Variants in WWOX observed in about 807,000 individuals in gnomAD.
WWOX encodes the protein WW domain-containing oxidoreductase.
Under a neutral mutation model 46.2 loss-of-function variants are expected in WWOX, and 69 were observed. The observed-to-expected ratio is 1.49, with a 90% CI of 1.23 to 1.82. The LOEUF is 1.82. WWOX is among the 40% of genes most tolerant of loss of function. The pLI is 0.00. For missense variants in WWOX, 919 were observed against 542.6 expected, an observed-to-expected ratio of 1.69 and a Z score of -6.89; for synonymous variants, 359 against 202.6, an observed-to-expected ratio of 1.77 and a Z score of -6.56.
At chr16:78,955,109 T>G (rs1466584872) in intron 8 of WWOX, among the ~76,000 whole-genome samples, 2 of 152,128 alleles carry the variant, frequency 1.3e-5, no homozygotes, top group Non-Finnish European at 2.9e-5. Context: ...AAAGTGACAG[T>G]TGAAGACTAT....
intron 8 of WWOX, among the ~76,000 whole-genome samples, chr16:78,972,401 A>G (rs570755356): frequency 1.1e-4 from 16 of 151,924 alleles, no homozygotes; most frequent in East Asian, 1.9e-4. Flanking sequence ...GACATTATTT[A>G]TATCTATAAT....
intron 8 of WWOX, among the ~76,000 whole-genome samples, chr16:79,169,770 T>C (rs1448721372): frequency 6.6e-6 from 1 of 152,176 alleles, no homozygotes; most frequent in Non-Finnish European, 1.5e-5. Context: ...CCTCCTTTTG[T>C]CACTCTAGGG....
At chr16:78,553,963 G>T (rs1409140372) in intron 8 of WWOX, among the ~76,000 whole-genome samples, 2 of 152,022 alleles carry the variant, frequency 1.3e-5, no homozygotes, top group African/African-American at 2.4e-5. Flanking sequence ...ACAGCAGAGG[G>T]CTGTGATGCT....
intron 8 of WWOX, among the ~76,000 whole-genome samples, chr16:79,054,611 C>G (rs904277862): frequency 2.6e-5 from 4 of 152,078 alleles, no homozygotes; most frequent in Admixed American, 2.6e-4. Flanking sequence ...CCCTTGAGTC[C>G]AGGAGTTCAG....
intron 8 of WWOX, among the ~76,000 whole-genome samples, chr16:78,644,974 T>G (rs952039271): frequency 2.6e-5 from 4 of 152,164 alleles, no homozygotes; most frequent in African/African-American, 9.6e-5. Flanking sequence ...AACGGTGAGT[T>G]TTGGTTCTAC....
intron 8 of WWOX, among the ~76,000 whole-genome samples, chr16:78,573,368 CTGTTT>C (rs2044767076): frequency 6.6e-6 from 1 of 152,170 alleles, no homozygotes; most frequent in African/African-American, 2.4e-5. Context: ...AGATACTTGG[CTGTTT>C]TGTTTTTTCT....
Position 78,413,018 on chromosome 16 carries a change from C to T in WWOX, c.606-11852C>T, listed in dbSNP as rs117202754. Among the ~76,000 whole-genome samples, 226 of 152,204 alleles carry T rather than the reference C, an allele frequency of 1.5e-3. 3 individuals are homozygous for T. The East Asian group carries it at 0.031, about 21-fold the overall frequency. The stretch of plus-strand genomic sequence containing the variant: ...TCAGAAAGATCTGATTGAGCTGACG[C>T]GTAGCAAGAATGAGCCAGTGGAGAG... On this transcript the variant is annotated intron_variant, in intron 6 of 8. Coordinates refer to ENST00000566780, the MANE Select transcript of WWOX (RefSeq NM_016373.4).
intron 8 of WWOX, among the ~76,000 whole-genome samples, chr16:78,776,851 G>T (rs1021892126): frequency 6.6e-6 from 1 of 152,044 alleles, no homozygotes; most frequent in Non-Finnish European, 1.5e-5. Context: ...GTAAGAACTC[G>T]CTATGTCAAG....
chr16:78,825,669 A>G (rs1597677292), intron 8 of WWOX: 8 of 528,154 alleles, frequency 1.5e-5, no homozygotes, highest in East Asian at 4.4e-5. Flanking sequence ...TAGGGGGGCC[A>G]TAGGCTGCCA....
intron 5 of WWOX, among the ~76,000 whole-genome samples, chr16:78,317,223 G>C (rs1017390656): frequency 1.3e-5 from 2 of 152,152 alleles, no homozygotes; most frequent in Non-Finnish European, 2.9e-5. Context: ...GTGAGGAATG[G>C]GGTGAACAAC....
chr16:78,507,820 C>T (rs142883749), intron 8 of WWOX, among the ~76,000 whole-genome samples: 398 of 152,228 alleles, frequency 2.6e-3, no homozygotes, highest in Non-Finnish European at 4.0e-3. Flanking sequence ...AAAGATCCTC[C>T]GAATTCGCAC....
At chr16:78,131,905 T>C (rs1016621043) in intron 4 of WWOX, among the ~76,000 whole-genome samples, 1 of 151,606 alleles carries the variant, frequency 6.6e-6, no homozygotes, top group African/African-American at 2.4e-5. Context: ...TTTTTCATAC[T>C]TGAGGAAACA....
chr16:78,138,809 C>G (rs961757985), intron 4 of WWOX, among the ~76,000 whole-genome samples: 1 of 152,146 alleles, frequency 6.6e-6, no homozygotes, highest in South Asian at 2.1e-4. Flanking sequence ...CGCCACTCCA[C>G]GGATGTGAGT....
At chr16:78,624,531 T>C (rs2046265746) in intron 8 of WWOX, among the ~76,000 whole-genome samples, 1 of 152,234 alleles carries the variant, frequency 6.6e-6, no homozygotes, top group African/African-American at 2.4e-5. Flanking sequence ...AGCTTCTGTG[T>C]GTTTCCTATT....
intron 8 of WWOX, among the ~76,000 whole-genome samples, chr16:78,817,172 C>CTTTTT (rs33981779): frequency 0.027 from 1,374 of 51,524 alleles, 327 homozygotes; most frequent in African/African-American, 0.058. Flanking sequence ...TAGTGCTATT[C>CTTTTT]TTTTTTTTTT....
chr16:78,762,771 C>A (rs532926503), intron 8 of WWOX, among the ~76,000 whole-genome samples: 58 of 152,282 alleles, frequency 3.8e-4, no homozygotes, highest in African/African-American at 1.3e-3. Context: ...TATTGTGGGG[C>A]AAGTTACTTA....
intron 8 of WWOX, among the ~76,000 whole-genome samples, chr16:78,442,218 C>A (rs2083460369): frequency 1.3e-5 from 2 of 152,108 alleles, no homozygotes; most frequent in African/African-American, 4.8e-5. Context: ...ATGACTACCA[C>A]AATCAAGCTA....
At chr16:79,042,220 C>G (rs2047985036) in intron 8 of WWOX, among the ~76,000 whole-genome samples, 1 of 152,140 alleles carries the variant, frequency 6.6e-6, no homozygotes, top group Non-Finnish European at 1.5e-5. Context: ...TGTCCATGAA[C>G]TCCAAAGCCC....
intron 8 of WWOX, among the ~76,000 whole-genome samples, chr16:78,983,028 T>C (rs143547627): frequency 1.3e-3 from 202 of 152,306 alleles, no homozygotes; most frequent in African/African-American, 4.5e-3. Context: ...TTTGTTTCTT[T>C]TGTGAAGTAT....
Sources: gnomAD v4.1 joint callset for allele counts (sites outside exome capture counted in the v4.1 genomes callset) on GRCh38, gnomAD v4.1.1 for gene constraint, MANE v1.5 for transcripts, NCBI Gene and HGNC (gene_info 2026-07-23, HGNC 2026-07-21) for gene names.